NXPH2: variants seen among roughly 807,000 people sequenced by gnomAD.
NXPH2 encodes the protein neurexophilin 2.
In NXPH2, 5 loss-of-function variants were observed where a neutral mutation model predicts 19.8. The ratio of observed to expected loss-of-function variants is 0.25; its 90% CI spans 0.13 to 0.53. The LOEUF (loss-of-function observed/expected upper bound fraction) is 0.53, where lower values mean the gene tolerates loss of function less well. Among genes scored for constraint, NXPH2 ranks in the 20% least tolerant of loss-of-function variants. The probability of loss-of-function intolerance (pLI) is 0.96; values close to 1 mark genes in which losing one functional copy is unlikely to be tolerated. For synonymous variants in NXPH2, 154 were observed against 127.4 expected (o/e 1.21, Z -1.41); for missense variants, 289 against 322.8 (o/e 0.90, Z 0.80).
At chr2:138,757,676 A>G (rs974788181) in intron 1 of NXPH2, among the ~76,000 whole-genome samples, 1 of 152,126 alleles carries the variant, frequency 6.6e-6, no homozygotes, top group Admixed American at 6.6e-5. Context: ...CAGCCTCTAA[A>G]TTGTGTAAGG....
Position 138,681,607 on chromosome 2 carries a change from G to A in NXPH2, c.52-9942C>T, listed in dbSNP as rs541825206. On this transcript the variant is annotated intron_variant, in intron 1 of 1. Coordinates refer to ENST00000272641, the MANE Select transcript of NXPH2 (RefSeq NM_007226.3). ...GAAAATTTTGACTTTCCAGGACTAA[G>A]CTGAATGAGCTGAATACTCCAAATG... Among the ~76,000 whole-genome samples the A allele has an allele frequency of 3.3e-5, 5 of 152,280 alleles. No homozygotes were observed. The South Asian group carries it at 1.0e-3, about 32-fold the overall frequency.
chr2:138,671,972 A>C (rs1184929524), intron 1 of NXPH2, among the ~76,000 whole-genome samples: 1 of 152,190 alleles, frequency 6.6e-6, no homozygotes, highest in Non-Finnish European at 1.5e-5. Context: ...TGGGGGAAGT[A>C]GTATATTTTG....
At chr2:138,674,922 G>A (rs564791493) in intron 1 of NXPH2, among the ~76,000 whole-genome samples, 1 of 152,232 alleles carries the variant, frequency 6.6e-6, no homozygotes, top group East Asian at 1.9e-4. Context: ...CGGAACATCT[G>A]GTTTACAAGA....
intron 1 of NXPH2, among the ~76,000 whole-genome samples, chr2:138,751,719 T>G (rs149984330): frequency 6.6e-6 from 1 of 152,312 alleles, no homozygotes; most frequent in East Asian, 1.9e-4. Flanking sequence ...TGAATTATAA[T>G]AAGTGTATTA....
chr2:138,770,648 CA>C (rs1192024413), intron 1 of NXPH2, among the ~76,000 whole-genome samples: 2 of 151,842 alleles, frequency 1.3e-5, no homozygotes, highest in Non-Finnish European at 2.9e-5. Context: ...CAAACATAAA[CA>C]TACAAAAATA....
intron 1 of NXPH2, among the ~76,000 whole-genome samples, chr2:138,713,167 C>A (rs905981733): frequency 6.6e-6 from 1 of 152,194 alleles, no homozygotes; most frequent in Non-Finnish European, 1.5e-5. Context: ...ATCTACTTCC[C>A]CACTGCCGAT....
intron 1 of NXPH2, among the ~76,000 whole-genome samples, chr2:138,764,587 C>T (rs908149482): frequency 2.6e-5 from 4 of 152,106 alleles, no homozygotes; most frequent in African/African-American, 4.8e-5. Context: ...GAATTTTTAG[C>T]GCAAATATTT....
At chr2:138,708,242 C>T (rs1385209971) in intron 1 of NXPH2, among the ~76,000 whole-genome samples, 2 of 152,202 alleles carry the variant, frequency 1.3e-5, no homozygotes, top group Non-Finnish European at 2.9e-5. Context: ...CTACTTTCCT[C>T]AGCCGTCACA....
Position 138,696,747 on chromosome 2 carries a change from A to C in NXPH2, c.52-25082T>G, listed in dbSNP as rs908242115. Among the ~76,000 whole-genome samples, 3 of 152,182 alleles carry C rather than the reference A, an allele frequency of 2.0e-5. No homozygotes were observed. The East Asian group carries it at 5.8e-4, about 29-fold the overall frequency. ...ACTAAGATCCAGCAATTTTACTTCT[A>C]GGTATTTATCCAAGAGAAATGAGTA... On this transcript the variant is annotated intron_variant, in intron 1 of 1. Transcript: ENST00000272641.
chr2:138,701,035 A>G (rs934092960), intron 1 of NXPH2, among the ~76,000 whole-genome samples: 2 of 152,146 alleles, frequency 1.3e-5, no homozygotes, highest in Admixed American at 1.3e-4. Context: ...AATAGACTCA[A>G]TTGTAAAACT....
intron 1 of NXPH2, among the ~76,000 whole-genome samples, chr2:138,758,581 C>T (rs953227911): frequency 2.6e-5 from 4 of 152,186 alleles, no homozygotes; most frequent in African/African-American, 7.2e-5. Context: ...CTGCTCCCAC[C>T]ATGGGACTTC....
At chr2:138,715,198 CT>C (rs1251682376) in intron 1 of NXPH2, among the ~76,000 whole-genome samples, 3 of 152,162 alleles carry the variant, frequency 2.0e-5, no homozygotes, top group Non-Finnish European at 4.4e-5. Context: ...GCTAATAGCT[CT>C]CTTGGCACAA....
chr2:138,675,580 C>T (rs575103266), intron 1 of NXPH2, among the ~76,000 whole-genome samples: 1 of 152,052 alleles, frequency 6.6e-6, no homozygotes, highest in Admixed American at 6.5e-5. Flanking sequence ...GAAAACTTTC[C>T]TGATAGCAGT....
chr2:138,677,603 T>C (rs1361309533), intron 1 of NXPH2, among the ~76,000 whole-genome samples: 1 of 152,182 alleles, frequency 6.6e-6, no homozygotes, highest in Non-Finnish European at 1.5e-5. Flanking sequence ...CAGGTTCAAA[T>C]CATTCATCAT....
chr2:138,778,237 A>G (rs1682296490), intron 1 of NXPH2, among the ~76,000 whole-genome samples: 1 of 152,236 alleles, frequency 6.6e-6, no homozygotes, highest in African/African-American at 2.4e-5. Context: ...GTGCTTATCA[A>G]CAGGGCTGCA....
chr2:138,751,873 G>C (rs1350577024), intron 1 of NXPH2, among the ~76,000 whole-genome samples: 1 of 152,064 alleles, frequency 6.6e-6, no homozygotes, highest in African/African-American at 2.4e-5. Flanking sequence ...GTAATGGTAA[G>C]TCCTAAATGT....
At chr2:138,753,662 G>A (rs928839129) in intron 1 of NXPH2, among the ~76,000 whole-genome samples, 9 of 152,202 alleles carry the variant, frequency 5.9e-5, no homozygotes, top group Admixed American at 3.9e-4. Flanking sequence ...AAAACTGAGT[G>A]TCTACAGATG....
intron 1 of NXPH2, among the ~76,000 whole-genome samples, chr2:138,751,415 A>G (rs1195849049): frequency 6.6e-6 from 1 of 152,174 alleles, no homozygotes; most frequent in African/African-American, 2.4e-5. Context: ...ACATCATCTC[A>G]AATAACTATG....
intron 1 of NXPH2, among the ~76,000 whole-genome samples, chr2:138,709,522 T>C (rs931503752): frequency 6.7e-6 from 1 of 149,766 alleles, no homozygotes; most frequent in East Asian, 2.0e-4. Flanking sequence ...CAATCCTACA[T>C]TGACACATAA....
Sources: gnomAD v4.1 joint callset for allele counts (sites outside exome capture counted in the v4.1 genomes callset) on GRCh38, gnomAD v4.1.1 for gene constraint, MANE v1.5 for transcripts, NCBI Gene and HGNC (gene_info 2026-07-23, HGNC 2026-07-21) for gene names.